PDGFA: variants seen among roughly 807,000 people sequenced by gnomAD.
PDGFA encodes platelet-derived growth factor subunit A.
In PDGFA, 9 loss-of-function variants were observed where a neutral mutation model predicts 25.6. The ratio of observed to expected loss-of-function variants is 0.35; its 90% CI spans 0.21 to 0.61. The LOEUF is 0.61. Among genes scored for constraint, PDGFA ranks in the 20% least tolerant of loss-of-function variants. The pLI is 0.75. For synonymous variants in PDGFA, 133 were observed against 111.8 expected (o/e 1.19, Z -1.20); for missense variants, 242 against 272.8 (o/e 0.89, Z 0.79).
At chr7:498,777 G>A (rs1267924714) in intron 5 of PDGFA, among the ~76,000 whole-genome samples, 1 of 152,216 alleles carries the variant, frequency 6.6e-6, no homozygotes, top group Non-Finnish European at 1.5e-5. Flanking sequence ...ATTGGGATTA[G>A]GCTCACAGCA....
exon 3 of PDGFA, chr7:512,408 C>A (rs1379711215): frequency 6.2e-7 from 1 of 1,613,814 alleles, no homozygotes. Context: ...TGCTTAGTGG[C>A]ATGGACCCCG....
exon 6 of PDGFA, chr7:497,283 A>G (rs1460869055): frequency 6.6e-6 from 1 of 151,416 alleles, no homozygotes; most frequent in African/African-American, 2.4e-5. Context: ...TTTTTTTTTT[A>G]ATTTTGGATC....
intron 2 of PDGFA, among the ~76,000 whole-genome samples, chr7:513,802 C>T (rs1423460144): frequency 6.6e-6 from 1 of 152,218 alleles, no homozygotes; most frequent in Non-Finnish European, 1.5e-5. Flanking sequence ...TAAAATGAAG[C>T]CCGCAAACCT....
chr7:508,558 C>A (rs1782664520), intron 4 of PDGFA, among the ~76,000 whole-genome samples: 1 of 31,860 alleles, frequency 3.1e-5, no homozygotes. Flanking sequence ...AGAAGCTGTC[C>A]CAAAAAAAAA....
At position 517,577 on chromosome 7, in the gene PDGFA, G is replaced by T. The variant is rs931354079; in HGVS notation, c.64-87C>A. The T allele has an allele frequency of 5.6e-6, 2 of 358,110 alleles. No individual in the cohort carries two copies. Among genetic ancestry groups the T allele is most frequent in the Non-Finnish European group, 7.9e-6 (2 of 252,800 alleles). 22.2% of individuals were successfully genotyped at this position (358,110 alleles called of 1,614,324 possible). A position where few individuals can be genotyped will look rare whatever the true frequency, so the allele number is the denominator to read the frequency against. ...GCCGCCAGGAGCGCCGCCGCCCCGG[G>T]CCCGAGGAGACCCCGCGAGCGCCGG... On this transcript the variant is annotated intron_variant, in intron 1 of 5. Coordinates refer to ENST00000402802, the Ensembl canonical transcript of PDGFA. The surrounding 1 kb of genome is among the most constrained non-coding windows in gnomAD (Gnocchi z 7.4).
rs1025646891 is a variant in PDGFA at position 506,206 on chromosome 7, C to T, written c.453+4603G>A. On this transcript the variant is annotated intron_variant, in intron 4 of 5. Transcript: ENST00000402802. ...AAAAAAAAAAATCCCTCAAGTCGGG[C>T]GTGGAGGAGGTTCATACCTGTGATC... Among the ~76,000 whole-genome samples the T allele has an allele frequency of 3.3e-5, 5 of 149,876 alleles. No homozygotes were observed. The East Asian group carries it at 9.8e-4, about 29-fold the overall frequency.
intron 4 of PDGFA, among the ~76,000 whole-genome samples, chr7:504,357 G>A (rs532220132): frequency 6.6e-6 from 1 of 152,070 alleles, no homozygotes; most frequent in African/African-American, 2.4e-5. Context: ...GGCCACCTGG[G>A]ACCTCAGCCA....
chr7:512,289 G>A (rs545066366), intron 3 of PDGFA, 62 bp downstream of exon 3: 53 of 1,470,612 alleles, frequency 3.6e-5, no homozygotes, highest in African/African-American at 2.1e-4. Context: ...CCTGCCCATC[G>A]CGGCCTCCTG....
chr7:505,232 G>A (rs959549914), intron 4 of PDGFA, among the ~76,000 whole-genome samples: 6 of 152,134 alleles, frequency 3.9e-5, no homozygotes, highest in Non-Finnish European at 8.8e-5. Context: ...CGGCCCCCAG[G>A]CCCCAAGCCG....
In PDGFA at chr7:516,046, C is replaced by CA. The variant is rs769528171; in HGVS notation, c.160+1347_160+1348insT. ...AAACCTTCTCCAGGAAGCAGCCCCC[C>CA]CCCCCCACTTTTCCAAACCCATCCA... On this transcript the variant is annotated intron_variant, in intron 2 of 5. Transcript: ENST00000402802. 4.9e-3 allele frequency among the ~76,000 whole-genome samples: 328 copies of CA among 66,952 alleles called. 1 individual carries two copies. The highest frequency in any genetic ancestry group is 8.6e-3 in the Non-Finnish European group (265 of 30,748). 43.9% of individuals were successfully genotyped at this position (66,952 alleles called of 152,430 possible). A position where few individuals can be genotyped will look rare whatever the true frequency, so the allele number is the denominator to read the frequency against.
intron 2 of PDGFA, among the ~76,000 whole-genome samples, chr7:516,274 C>A (rs1177124546): frequency 6.7e-6 from 1 of 149,574 alleles, no homozygotes; most frequent in Non-Finnish European, 1.5e-5. Flanking sequence ...CAGAAACCAT[C>A]GGCCTTGTTA....
intron 4 of PDGFA, among the ~76,000 whole-genome samples, chr7:509,608 A>G (rs1020619509): frequency 2.0e-5 from 3 of 152,164 alleles, no homozygotes; most frequent in African/African-American, 7.2e-5. Context: ...TTTCTAGGGT[A>G]GAGGCTTCAT....
chr7:514,285 C>G (rs1427031311), intron 2 of PDGFA, among the ~76,000 whole-genome samples: 1 of 152,166 alleles, frequency 6.6e-6, no homozygotes, highest in Non-Finnish European at 1.5e-5. Flanking sequence ...AGAGCACAGT[C>G]CCCGTGCCCC....
exon 6 of PDGFA, chr7:498,521 C>G: frequency 6.3e-7 from 1 of 1,590,628 alleles, no homozygotes; most frequent in Non-Finnish European, 8.6e-7. Context: ...GAATGTAACA[C>G]GCCATGTACA....
Position 517,577 on chromosome 7 carries a change from G to C in PDGFA, c.64-87C>G, listed in dbSNP as rs931354079. Reference sequence around the variant, plus strand: ...GCCGCCAGGAGCGCCGCCGCCCCGGGCCCGAGGAGACCCCGCGAGCGCCGG... The same window carrying C: ...GCCGCCAGGAGCGCCGCCGCCCCGGCCCCGAGGAGACCCCGCGAGCGCCGG... On this transcript the variant is annotated intron_variant, in intron 1 of 5. Coordinates refer to ENST00000402802, the Ensembl canonical transcript of PDGFA. This position sits in a 1 kb window ranked among gnomAD's most constrained non-coding sequence, Gnocchi z 7.4. The C allele has an allele frequency of 2.8e-6, 1 of 358,002 alleles. No homozygotes were observed. Among genetic ancestry groups the C allele is most frequent in the Non-Finnish European group, 4.0e-6 (1 of 252,810 alleles). The allele number at this position is 358,002 out of a possible 1,614,324, so 22.2% of individuals were successfully genotyped here.
intron 2 of PDGFA, chr7:513,602 C>T (rs925977103): frequency 1.3e-5 from 2 of 152,254 alleles, no homozygotes; most frequent in African/African-American, 4.8e-5. Context: ...ACAGAGATCT[C>T]CCTGCCCCCT....
In PDGFA at chr7:517,589, C is replaced by A. The variant is rs1783168335; in HGVS notation, c.64-99G>T. The A allele has an allele frequency of 3.9e-6, 1 of 255,030 alleles. No individual in the cohort carries two copies. Among genetic ancestry groups the A allele is most frequent in the Non-Finnish European group, 6.2e-6 (1 of 161,292 alleles). 15.8% of individuals were successfully genotyped at this position (255,030 alleles called of 1,614,324 possible). A position where few individuals can be genotyped will look rare whatever the true frequency, so the allele number is the denominator to read the frequency against. ...GCCGCCGCCCCGGGCCCGAGGAGAC[C>A]CCGCGAGCGCCGGCCGCAGTCCCCG... On this transcript the variant is annotated intron_variant, in intron 1 of 5. Transcript: ENST00000402802. This position sits in a 1 kb window ranked among gnomAD's most constrained non-coding sequence, Gnocchi z 7.4.
At chr7:509,655 G>T (rs1329310954) in intron 4 of PDGFA, among the ~76,000 whole-genome samples, 1 of 152,184 alleles carries the variant, frequency 6.6e-6, no homozygotes, top group Non-Finnish European at 1.5e-5. Context: ...AGCCTAGGGA[G>T]CATGTTCATC....
rs1480432994 is a variant in PDGFA, at chr7:517,128, G to T, written c.160+266C>A. ...GGCCCGCACACCTGGCGGAGGCCGC[G>T]GCTGAACTTTGTGTGACACACGCGG... On this transcript the variant is annotated intron_variant, in intron 2 of 5. Transcript: ENST00000402802. This position sits in a 1 kb window ranked among gnomAD's most constrained non-coding sequence, Gnocchi z 7.4. 2.0e-5 allele frequency among the ~76,000 whole-genome samples: 3 copies of T among 151,686 alleles called. No individual in the cohort carries two copies. Among genetic ancestry groups the T allele is most frequent in the Admixed American group, 6.6e-5 (1 of 15,232 alleles).
Sources: allele counts gnomAD v4.1 joint callset (sites outside exome capture counted in the v4.1 genomes callset), GRCh38; gene constraint gnomAD v4.1.1; non-coding constraint Gnocchi (gnomAD v3.1); transcripts MANE v1.5; gene names NCBI Gene and HGNC (gene_info 2026-07-23, HGNC 2026-07-21).